Variants in SLC45A4 observed in about 807,000 individuals in gnomAD.
The protein encoded by SLC45A4 is solute carrier family 45 member 4, also known as polyamine-transporter SLC45A4.
Under a neutral mutation model 63.7 loss-of-function variants are expected in SLC45A4, and 32 were observed. The ratio of observed to expected loss-of-function variants is 0.50; its 90% CI spans 0.38 to 0.67. The LOEUF is 0.67. Ranked by LOEUF, SLC45A4 falls within the 30% of genes least tolerant of loss-of-function variation. The probability of loss-of-function intolerance (pLI) is 0.00; values close to 1 mark genes in which losing one functional copy is unlikely to be tolerated. For missense variants in SLC45A4, 1,027 were observed against 1,157.7 expected, an observed-to-expected ratio of 0.89 and a Z score of 1.64; for synonymous variants, 535 against 510.0, an observed-to-expected ratio of 1.05 and a Z score of -0.66.
chr8:141,270,378 T>A (rs1214808686), intron 1 of SLC45A4, among the ~76,000 whole-genome samples: 1 of 140,868 alleles, frequency 7.1e-6, no homozygotes. Flanking sequence ...ATAAATACAT[T>A]AAAAAAAAAA....
Position 141,215,675 on chromosome 8 carries a change from C to T in SLC45A4, c.1941+84G>A, listed in dbSNP as rs1001831890. ...GCCATCTGTGTCGTGAACGTCCCCC[C>T]GGGGAAGCACAGGGCTCTGCTCTGT... is the stretch of plus-strand genomic sequence containing the variant. On this transcript the variant is annotated intron_variant, in intron 7 of 8. Coordinates refer to ENST00000517878, the MANE Select transcript of SLC45A4 (RefSeq NM_001286646.2). The surrounding 1 kb of genome is among the most constrained non-coding windows in gnomAD (Gnocchi z 4.3). The T allele has an allele frequency of 6.0e-5, 86 of 1,421,506 alleles. No individual in the cohort carries two copies. The highest frequency in any genetic ancestry group is 5.5e-4 in the South Asian group (47 of 85,794). The allele number at this position is 1,421,506 out of a possible 1,614,324, so 88.1% of individuals were successfully genotyped here. A position where few individuals can be genotyped will look rare whatever the true frequency, so the allele number is the denominator to read the frequency against.
intron 1 of SLC45A4, among the ~76,000 whole-genome samples, chr8:141,284,805 G>A (rs537663479): frequency 2.6e-5 from 4 of 152,160 alleles, no homozygotes; most frequent in South Asian, 2.1e-4. Context: ...TTGCCCCTCC[G>A]CACCCCAGGA....
intron 1 of SLC45A4, among the ~76,000 whole-genome samples, chr8:141,307,596 A>G (rs558512799): frequency 6.6e-6 from 1 of 151,738 alleles, no homozygotes; most frequent in East Asian, 1.9e-4. Flanking sequence ...CAGAGGGGAG[A>G]GGGGGCCACT....
rs1827126962 is a variant in SLC45A4, at chr8:141,228,117, C to A, written c.242-6352G>T. On this transcript the variant is annotated intron_variant, in intron 2 of 8. Coordinates refer to ENST00000517878, the MANE Select transcript of SLC45A4 (RefSeq NM_001286646.2). Reference sequence around the variant, plus strand: ...TGGGTGCCCGAGAGGCTGTGGCTCACCGCAAGCTTTAGATGGAGTGATCTG... The same window carrying A: ...TGGGTGCCCGAGAGGCTGTGGCTCAACGCAAGCTTTAGATGGAGTGATCTG... 16 of 1,605,492 alleles carry A rather than the reference C, an allele frequency of 1.0e-5. No homozygotes were observed. The East Asian group carries it at 3.6e-4, about 36-fold the overall frequency.
chr8:141,248,822 C>T (rs1309418731), intron 2 of SLC45A4, among the ~76,000 whole-genome samples: 1 of 151,962 alleles, frequency 6.6e-6, no homozygotes, highest in Non-Finnish European at 1.5e-5. Flanking sequence ...CGAAACCAGC[C>T]TGGGCAACAT....
chr8:141,263,748 C>T (rs1464899949), intron 1 of SLC45A4, among the ~76,000 whole-genome samples: 8 of 132,510 alleles, frequency 6.0e-5, no homozygotes, highest in Non-Finnish European at 9.3e-5. Flanking sequence ...CCAGCCTGGG[C>T]GACAGAGCAA....
chr8:141,281,061 A>C (rs1258535122), intron 1 of SLC45A4, among the ~76,000 whole-genome samples: 1 of 152,216 alleles, frequency 6.6e-6, no homozygotes, highest in Non-Finnish European at 1.5e-5. Context: ...AGTCTCAGCC[A>C]AGTGTGGTGG....
At chr8:141,285,304 C>T (rs927545192) in intron 1 of SLC45A4, among the ~76,000 whole-genome samples, 10 of 152,248 alleles carry the variant, frequency 6.6e-5, no homozygotes, top group South Asian at 2.1e-4. Flanking sequence ...CCTTCACTGC[C>T]GTGGCTGAGA....
intron 1 of SLC45A4, among the ~76,000 whole-genome samples, chr8:141,297,303 G>A (rs1479208534): frequency 2.0e-5 from 3 of 152,034 alleles, no homozygotes; most frequent in Non-Finnish European, 4.4e-5. Flanking sequence ...CTGGCAATGC[G>A]GCAAGTGGAT....
intron 2 of SLC45A4, among the ~76,000 whole-genome samples, chr8:141,245,411 A>G (rs1214599710): frequency 1.3e-5 from 2 of 152,198 alleles, no homozygotes; most frequent in Admixed American, 6.5e-5. Context: ...TCATCATCAT[A>G]AAGGAAAGTG....
intron 1 of SLC45A4, among the ~76,000 whole-genome samples, chr8:141,283,558 C>T (rs973745295): frequency 1.3e-5 from 2 of 152,242 alleles, no homozygotes; most frequent in Non-Finnish European, 2.9e-5. Flanking sequence ...CCCCCGCCTA[C>T]GCTTTAGGCT....
chr8:141,280,106 G>A (rs1376879704), intron 1 of SLC45A4, among the ~76,000 whole-genome samples: 1 of 152,152 alleles, frequency 6.6e-6, no homozygotes, highest in Non-Finnish European at 1.5e-5. Flanking sequence ...CCAGCACCAC[G>A]CTGGCCCCTC....
chr8:141,276,289 G>C (rs775556437), intron 1 of SLC45A4, among the ~76,000 whole-genome samples: 8 of 152,158 alleles, frequency 5.3e-5, no homozygotes, highest in Admixed American at 1.3e-4. Flanking sequence ...CACAAGTCTG[G>C]GTAAGTGATA....
At chr8:141,222,517 G>T (rs1826711229) in intron 2 of SLC45A4, among the ~76,000 whole-genome samples, 1 of 152,180 alleles carries the variant, frequency 6.6e-6, no homozygotes, top group Non-Finnish European at 1.5e-5. Context: ...ATCCACCCCA[G>T]GTCACACAGC....
At chr8:141,257,889 A>G (rs1184940789) in intron 1 of SLC45A4, among the ~76,000 whole-genome samples, 2 of 152,172 alleles carry the variant, frequency 1.3e-5, no homozygotes, top group Non-Finnish European at 2.9e-5. Flanking sequence ...TTATTACTAA[A>G]TAGGAAAACG....
chr8:141,237,368 CCCA>C (rs1442547966), intron 2 of SLC45A4, among the ~76,000 whole-genome samples: 7 of 152,120 alleles, frequency 4.6e-5, no homozygotes, highest in African/African-American at 1.7e-4. Context: ...CCACAGTCTC[CCCA>C]CCACACCACA....
At chr8:141,248,579 T>C (rs1378681755) in intron 2 of SLC45A4, among the ~76,000 whole-genome samples, 1 of 151,526 alleles carries the variant, frequency 6.6e-6, no homozygotes, top group South Asian at 2.1e-4. Flanking sequence ...AAAAAAATAA[T>C]AATAAATAAA....
chr8:141,225,786 C>G (rs1479778144), intron 2 of SLC45A4: 1 of 152,436 alleles, frequency 6.6e-6, no homozygotes, highest in Non-Finnish European at 1.5e-5. Flanking sequence ...GCTGCTTCTC[C>G]ACCCTTGTCC....
chr8:141,257,689 A>T (rs1378822743), intron 1 of SLC45A4, among the ~76,000 whole-genome samples: 1 of 152,344 alleles, frequency 6.6e-6, no homozygotes, highest in East Asian at 1.9e-4. Flanking sequence ...TGCACCCTCC[A>T]GGGACACTTG....
Sources: allele counts gnomAD v4.1 joint callset (sites outside exome capture counted in the v4.1 genomes callset), GRCh38; gene constraint gnomAD v4.1.1; non-coding constraint Gnocchi (gnomAD v3.1); transcripts MANE v1.5; gene names NCBI Gene and HGNC (gene_info 2026-07-23, HGNC 2026-07-21).